Variants in MAOA observed in about 807,000 individuals in gnomAD.
MAOA encodes the protein amine oxidase [flavin-containing] A.
In MAOA, 6 loss-of-function variants were observed where a neutral mutation model predicts 42.0. The ratio of observed to expected loss-of-function variants is 0.14; its 90% CI spans 0.08 to 0.28. MAOA has a LOEUF of 0.28. Ranked by LOEUF, MAOA falls within the 10% of genes least tolerant of loss-of-function variation. The probability of loss-of-function intolerance (pLI) is 1.00; values close to 1 mark genes in which losing one functional copy is unlikely to be tolerated. For missense variants in MAOA, 262 were observed against 422.3 expected, an observed-to-expected ratio of 0.62 and a Z score of 3.33; for synonymous variants, 140 against 154.0, an observed-to-expected ratio of 0.91 and a Z score of 0.67.
At chrX:43,708,014 C>A (rs1476882504) in intron 3 of MAOA, among the ~76,000 whole-genome samples, 1 of 112,001 alleles carries the variant, frequency 8.9e-6, no homozygotes. Context: ...GAGCCATAAA[C>A]TGCCATCTCC....
intron 1 of MAOA, among the ~76,000 whole-genome samples, chrX:43,661,545 G>A (rs1221924137): frequency 1.8e-5 from 2 of 110,735 alleles, no homozygotes; most frequent in African/African-American, 6.6e-5. Context: ...TATGAGCAGT[G>A]CTTAATTTCC....
chrX:43,702,887 G>A (rs757139513), intron 3 of MAOA, among the ~76,000 whole-genome samples: 34 of 110,642 alleles, frequency 3.1e-4, no homozygotes, highest in African/African-American at 1.1e-3. Context: ...AAAAAATCAG[G>A]CTTCAGAGAC....
chrX:43,682,329 G>C (rs2033450723), intron 1 of MAOA, among the ~76,000 whole-genome samples: 1 of 111,297 alleles, frequency 9.0e-6, no homozygotes, highest in Non-Finnish European at 1.9e-5. Context: ...TAAGGCTGTG[G>C]CAGAGAAAGA....
chrX:43,707,129 C>T (rs1003641042), intron 3 of MAOA, among the ~76,000 whole-genome samples: 2 of 110,811 alleles, frequency 1.8e-5, no homozygotes, highest in African/African-American at 6.6e-5. Flanking sequence ...GATGAGTTCC[C>T]CAGGGAAATG....
chrX:43,721,199 G>A (rs2033785973), intron 5 of MAOA, among the ~76,000 whole-genome samples: 2 of 111,305 alleles, frequency 1.8e-5, no homozygotes, highest in Admixed American at 1.9e-4. Flanking sequence ...GACAGGGACG[G>A]GTAGATGATG....
intron 1 of MAOA, among the ~76,000 whole-genome samples, chrX:43,682,847 C>T (rs781317383): frequency 1.8e-5 from 2 of 112,056 alleles, no homozygotes; most frequent in South Asian, 7.5e-4. Context: ...ATCTGCAATA[C>T]TTCCTTAATT....
At chrX:43,717,201 C>A (rs1474339017) in intron 5 of MAOA, among the ~76,000 whole-genome samples, 4 of 110,494 alleles carry the variant, frequency 3.6e-5, no homozygotes, top group Admixed American at 2.9e-4. Context: ...GTGACTAAGT[C>A]TCTGGGGGGA....
At chrX:43,733,149 C>T (rs898396476) in intron 9 of MAOA, among the ~76,000 whole-genome samples, 1 of 112,021 alleles carries the variant, frequency 8.9e-6, no homozygotes, top group Non-Finnish European at 1.9e-5. Context: ...GAGAACTAAC[C>T]GCTTTATTCT....
intron 11 of MAOA, 55 bp downstream of exon 11, chrX:43,740,793 A>C: frequency 9.7e-7 from 1 of 1,028,190 alleles, no homozygotes; most frequent in South Asian, 2.0e-5. Context: ...CACTATAAGT[A>C]GTAAAGCAAA....
chrX:43,677,345 G>A (rs1323323431), intron 1 of MAOA, among the ~76,000 whole-genome samples: 2 of 111,721 alleles, frequency 1.8e-5, no homozygotes, highest in African/African-American at 3.3e-5. Context: ...AGTTTCTATG[G>A]GCAGTTGCTT....
At chrX:43,670,951 A>C (rs1455282804) in intron 1 of MAOA, among the ~76,000 whole-genome samples, 4 of 106,265 alleles carry the variant, frequency 3.8e-5, no homozygotes, top group African/African-American at 1.4e-4. Flanking sequence ...CTTTGGGTAT[A>C]TACCCAGTAA....
At chrX:43,727,387 G>C (rs1012065253) in intron 5 of MAOA, among the ~76,000 whole-genome samples, 5 of 112,244 alleles carry the variant, frequency 4.5e-5, no homozygotes, top group African/African-American at 1.6e-4. Flanking sequence ...GTGGAATCTA[G>C]AGAGGCAGTA....
intron 8 of MAOA, 46 bp from the exon 9 acceptor site, chrX:43,732,653 T>C (rs1231308420): frequency 1.1e-6 from 1 of 870,297 alleles, no homozygotes. Flanking sequence ...TGGGTGTCTC[T>C]GATGAGCTTG....
rs1490157046 is a variant in MAOA, at chrX:43,712,689, C to T, written c.412-16C>T. 1 of 1,142,571 alleles carries T rather than the reference C, an allele frequency of 8.8e-7. No individual in the cohort carries two copies. 94.2% of individuals were successfully genotyped at this position (1,142,571 alleles called of 1,213,427 possible). On this transcript the variant is annotated splice_polypyrimidine_tract_variant and intron_variant, in intron 4 of 14. Transcript: ENST00000338702. ...AGTTACCATCAAACCTGAGAGGGGACTTCCTTTCTCTACAGATTCCAACTG... is the reference window on the plus strand; with the variant it reads ...AGTTACCATCAAACCTGAGAGGGGATTTCCTTTCTCTACAGATTCCAACTG...
chrX:43,690,888 A>C (rs1164767719), intron 2 of MAOA, among the ~76,000 whole-genome samples: 1 of 111,824 alleles, frequency 8.9e-6, no homozygotes, highest in Non-Finnish European at 1.9e-5. Flanking sequence ...TATATGAATA[A>C]GCTAATCATG....
chrX:43,666,605 C>T (rs188438832), intron 1 of MAOA, among the ~76,000 whole-genome samples: 2 of 110,850 alleles, frequency 1.8e-5, no homozygotes, highest in Admixed American at 9.7e-5. Flanking sequence ...CTCTTTTGCC[C>T]CACTACAGTC....
At chrX:43,682,648 C>T (rs2033453633) in intron 1 of MAOA, among the ~76,000 whole-genome samples, 1 of 111,637 alleles carries the variant, frequency 9.0e-6, no homozygotes, top group Non-Finnish European at 1.9e-5. Context: ...ACTCTACCCT[C>T]AAAAAGCTGG....
At chrX:43,734,067 G>A (rs2033902023) in intron 9 of MAOA, among the ~76,000 whole-genome samples, 1 of 109,414 alleles carries the variant, frequency 9.1e-6, no homozygotes, top group Non-Finnish European at 1.9e-5. Context: ...GAATGGAAGA[G>A]CAATTGATAT....
intron 5 of MAOA, among the ~76,000 whole-genome samples, chrX:43,717,743 C>T (rs147880697): frequency 1.5e-3 from 162 of 107,318 alleles, no homozygotes; most frequent in Non-Finnish European, 2.6e-3. Flanking sequence ...GATGGTTTGG[C>T]GGAATGTTAT....
Sources: gnomAD v4.1 joint callset for allele counts (sites outside exome capture counted in the v4.1 genomes callset) on GRCh38, gnomAD v4.1.1 for gene constraint, MANE v1.5 for transcripts, NCBI Gene and HGNC (gene_info 2026-07-23, HGNC 2026-07-21) for gene names.